CCHCR1: variants seen among roughly 807,000 people sequenced by gnomAD.
CCHCR1 encodes the protein HCR (a-helix coiled-coil rod homologue).
Under a neutral mutation model 114.6 loss-of-function variants are expected in CCHCR1, and 91 were observed. The ratio of observed to expected loss-of-function variants is 0.79; its 90% CI spans 0.67 to 0.94. The LOEUF (loss-of-function observed/expected upper bound fraction) is 0.94. Ranked by LOEUF, CCHCR1 falls within the 40% of genes least tolerant of loss-of-function variation. The pLI is 0.00. For synonymous variants in CCHCR1, 379 were observed against 428.5 expected (o/e 0.88, Z 1.43); for missense variants, 899 against 1,079.9 (o/e 0.83, Z 2.35).
chr6:31,142,866 G>A, intron 17 of CCHCR1, 97 bp downstream of exon 17: 1 of 1,494,258 alleles, frequency 6.7e-7, no homozygotes, highest in Non-Finnish European at 9.1e-7. Context: ...GGGCCTCGAA[G>A]GACCGCAGAG....
chr6:31,155,828 C>A (rs541765277), intron 3 of CCHCR1, among the ~76,000 whole-genome samples: 22 of 152,258 alleles, frequency 1.4e-4, no homozygotes, highest in Admixed American at 2.6e-4. Context: ...GTCACCCAGG[C>A]CTCAATGCAG....
At position 31,155,074 on chromosome 6, in the gene CCHCR1, A is replaced by T. The variant is rs193012233; in HGVS notation, c.498-275T>A. On this transcript the variant is annotated intron_variant, in intron 3 of 17. Coordinates refer to ENST00000396268, the MANE Select transcript of CCHCR1 (RefSeq NM_001105564.2). ...GATCTCCCTAGAGAGAGCTACATAC[A>T]GGAGGATTCAACATCAAATGTGTAT... Among the ~76,000 whole-genome samples, 3 of 152,306 alleles carry T rather than the reference A, an allele frequency of 2.0e-5. No individual in the cohort carries two copies. In the East Asian group the frequency reaches 5.8e-4, roughly 29 times the overall value.
intron 3 of CCHCR1, among the ~76,000 whole-genome samples, chr6:31,155,187 A>G (rs184859334): frequency 6.6e-6 from 1 of 152,312 alleles, no homozygotes; most frequent in Admixed American, 6.5e-5. Context: ...TTTAAGTGGA[A>G]AGGTTGGAAG....
chr6:31,150,939 G>A lies in CCHCR1; in HGVS notation c.965+20C>T, dbSNP rs1255579288. 5.0e-6 allele frequency: 8 copies of A among 1,611,770 alleles called. No individual in the cohort carries two copies. The highest frequency in any genetic ancestry group is 2.2e-5 in the East Asian group (1 of 44,878). On this transcript the variant is annotated intron_variant, in intron 5 of 17. Coordinates refer to ENST00000396268, the MANE Select transcript of CCHCR1 (RefSeq NM_001105564.2). This position sits in a 1 kb window ranked among gnomAD's most constrained non-coding sequence, Gnocchi z 5.3. ...CCACATCACTAATTGCTGGGCTCCCGTCGGCGTCCGCCCACCTACCTCAGC... is the reference window on the plus strand; with the variant it reads ...CCACATCACTAATTGCTGGGCTCCCATCGGCGTCCGCCCACCTACCTCAGC...
chr6:31,152,281 CAAAA>C (rs9281230), intron 4 of CCHCR1, among the ~76,000 whole-genome samples: 1 of 124,092 alleles, frequency 8.1e-6, no homozygotes, highest in Non-Finnish European at 1.7e-5. Context: ...GACTCCATCT[CAAAA>C]AAAAAAAAAA....
At chr6:31,147,118 C>T (rs1461880722) in intron 10 of CCHCR1, among the ~76,000 whole-genome samples, 4 of 152,104 alleles carry the variant, frequency 2.6e-5, no homozygotes, top group East Asian at 3.9e-4. Context: ...AACTACCTGC[C>T]GGCCAGGCAC....
Position 31,150,660 on chromosome 6 carries a change from A to C in CCHCR1, c.1101+65T>G. The C allele has an allele frequency of 6.3e-7, 1 of 1,597,366 alleles. No individual in the cohort carries two copies. The highest frequency in any genetic ancestry group is 8.5e-7 in the Non-Finnish European group (1 of 1,170,416). Reference sequence around the variant, plus strand: ...AGGCTGTGCTCTACACGCTCCTCCAAGGGCCACGCTTGCCTCCCAACCTGA... The same window carrying C: ...AGGCTGTGCTCTACACGCTCCTCCACGGGCCACGCTTGCCTCCCAACCTGA... On this transcript the variant is annotated intron_variant, in intron 6 of 17. Transcript: ENST00000396268. The surrounding 1 kb of genome is among the most constrained non-coding windows in gnomAD (Gnocchi z 5.3).
chr6:31,143,431 C>A lies in CCHCR1; in HGVS notation c.2168-18G>T. 1 of 1,611,588 alleles carries A rather than the reference C, an allele frequency of 6.2e-7. No homozygotes were observed. Among genetic ancestry groups the A allele is most frequent in the Non-Finnish European group, 8.5e-7 (1 of 1,179,420 alleles). Reference sequence around the variant, plus strand: ...GGAGACCACTACAGAGAGGCCAAGGCACAGAGGAGGCAGGTGTGAGTCAGG... The same window carrying A: ...GGAGACCACTACAGAGAGGCCAAGGAACAGAGGAGGCAGGTGTGAGTCAGG... On this transcript the variant is annotated intron_variant, in intron 15 of 17. Transcript: ENST00000396268. This position sits in a 1 kb window ranked among gnomAD's most constrained non-coding sequence, Gnocchi z 5.3.
intron 17 of CCHCR1, 63 bp downstream of exon 17, chr6:31,142,897 AGTC>A: frequency 3.9e-6 from 6 of 1,544,666 alleles, no homozygotes; most frequent in Non-Finnish European, 5.3e-6. Flanking sequence ...ATCATGCGAG[AGTC>A]TGAAGAGGAG....
Position 31,145,035 on chromosome 6 carries a change from G to A in CCHCR1, c.1915C>T (p.Gln639Ter), listed in dbSNP as rs746819053. 6.2e-7 allele frequency: 1 copy of A among 1,604,098 alleles called. No homozygotes were observed. Among genetic ancestry groups the A allele is most frequent in the Non-Finnish European group, 8.5e-7 (1 of 1,179,136 alleles). ...GTCTGCTGCAGCTCCTGCTCCAGCT[G>A]CTGGGCCACCTTGCTCAGCTGCTGC... The part of the protein sequence containing the change: ...ERQQLSKVAQ[Q>*]LEQELQQTQE... Residue 639 changes from glutamine (Q) to a stop codon, truncating the protein, a stop_gained, in exon 14 of 18, where the codon CAG becomes TAG. Coordinates refer to ENST00000396268, the MANE Select transcript of CCHCR1 (RefSeq NM_001105564.2). LOFTEE classifies it high-confidence loss of function.
In CCHCR1 at chr6:31,156,823, G is replaced by C. The variant is rs767259960; in HGVS notation, c.405C>G (p.Val135=). The change falls in exon 3 of 18, where the codon GTC becomes GTG. Residue 135 remains valine (V), a synonymous_variant. Coordinates refer to ENST00000396268, the MANE Select transcript of CCHCR1 (RefSeq NM_001105564.2). ...TCTGGGTGTCTAGCCGCCTCTCTGAGACATCTTGATGGCCTGGGGGTTGGA... is the reference window on the plus strand; with the variant it reads ...TCTGGGTGTCTAGCCGCCTCTCTGACACATCTTGATGGCCTGGGGGTTGGA... The part of the protein sequence containing the change: ...PLVQPPGHQD[V]SERRLDTQRP... The C allele has an allele frequency of 6.2e-7, 1 of 1,612,958 alleles. No individual in the cohort carries two copies. The highest frequency in any genetic ancestry group is 1.7e-5 in the Admixed American group (1 of 59,982).
chr6:31,148,650 C>A lies in CCHCR1; in HGVS notation c.1441G>T (p.Ala481Ser). The A allele has an allele frequency of 3.1e-6, 5 of 1,612,852 alleles. No individual in the cohort carries two copies. Among genetic ancestry groups the A allele is most frequent in the Non-Finnish European group, 4.2e-6 (5 of 1,179,844 alleles). Residue 481 changes from alanine (A) to serine (S), a missense_variant, in exon 9 of 18, where the codon GCA (alanine) becomes TCA (serine). Coordinates refer to ENST00000396268, the MANE Select transcript of CCHCR1 (RefSeq NM_001105564.2). The part of the protein sequence containing the change: ...ILQRSLQDKA[A>S]EVEVERMGAK... Reference sequence around the variant, plus strand: ...CCCATACGCTCCACCTCCACCTCTGCGGCTTTGTCCTGCAGGGATCGCTGC... The same window carrying A: ...CCCATACGCTCCACCTCCACCTCTGAGGCTTTGTCCTGCAGGGATCGCTGC...
chr6:31,150,782 A>G lies in CCHCR1; in HGVS notation c.1044T>C (p.Ser348=). Residue 348 remains serine (S), a synonymous_variant, in exon 6 of 18, where the codon TCT becomes TCC. Coordinates refer to ENST00000396268, the MANE Select transcript of CCHCR1 (RefSeq NM_001105564.2). This position sits in a 1 kb window ranked among gnomAD's most constrained non-coding sequence, Gnocchi z 5.3. The part of the protein sequence containing the change: ...LRKYVGEQVP[S]EVHSQTWELE... Reference sequence around the variant, plus strand: ...GTTCCCATGTCTGGCTGTGGACCTCAGAAGGCACTTGTTCCCCAACATATT... The same window carrying G: ...GTTCCCATGTCTGGCTGTGGACCTCGGAAGGCACTTGTTCCCCAACATATT... 1 of 1,613,070 alleles carries G rather than the reference A, an allele frequency of 6.2e-7. No homozygotes were observed. Among genetic ancestry groups the G allele is most frequent in the Non-Finnish European group, 8.5e-7 (1 of 1,180,024 alleles).
chr6:31,150,381 C>G lies in CCHCR1; in HGVS notation c.1212+74G>C. On this transcript the variant is annotated intron_variant, in intron 7 of 17. Coordinates refer to ENST00000396268, the MANE Select transcript of CCHCR1 (RefSeq NM_001105564.2). This position sits in a 1 kb window ranked among gnomAD's most constrained non-coding sequence, Gnocchi z 5.3. The stretch of plus-strand genomic sequence containing the variant: ...TCTGGGGCACATTGACCCCTCCTGC[C>G]CACAGGGAGGGAGGCAGGGGACAGT... The G allele has an allele frequency of 1.4e-6, 2 of 1,413,468 alleles. No individual in the cohort carries two copies. Among genetic ancestry groups the G allele is most frequent in the Non-Finnish European group, 2.0e-6 (2 of 1,010,392 alleles). The allele number at this position is 1,413,468 out of a possible 1,614,324, so 87.6% of individuals were successfully genotyped here.
intron 10 of CCHCR1, among the ~76,000 whole-genome samples, chr6:31,147,391 C>G (rs1774487378): frequency 8.2e-6 from 1 of 122,222 alleles, no homozygotes; most frequent in Non-Finnish European, 1.6e-5. Flanking sequence ...CAGTGCGAGA[C>G]TCTGTCTCAA....
Position 31,143,348 on chromosome 6 carries a change from G to A in CCHCR1, c.2233C>T (p.Arg745Cys), listed in dbSNP as rs73397100. Residue 745 changes from arginine (R) to cysteine (C), a missense_variant, in exon 16 of 18, where the codon CGT (arginine) becomes TGT (cysteine). Arg to Cys is a radical substitution (Grantham distance 180). Coordinates refer to ENST00000396268, the MANE Select transcript of CCHCR1 (RefSeq NM_001105564.2). The surrounding 1 kb of genome is among the most constrained non-coding windows in gnomAD (Gnocchi z 5.3). The stretch of plus-strand genomic sequence containing the variant: ...TCCTTCCGGGCCTCCTCCTGCAGAC[G>A]CCTGAGTTCCTGGCTCCGCTCCTTT... The part of the protein sequence containing the change: ...QEKERSQELR[R>C]LQEEARKEEG... The A allele has an allele frequency of 7.7e-3, 12,436 of 1,612,944 alleles. 411 individuals are homozygous for A. In the East Asian group the frequency reaches 0.093, roughly 12 times the overall value.
intron 10 of CCHCR1, among the ~76,000 whole-genome samples, chr6:31,147,016 C>T (rs1046836090): frequency 2.0e-5 from 3 of 152,142 alleles, no homozygotes; most frequent in Non-Finnish European, 2.9e-5. Context: ...ATCTTAATTT[C>T]GCTAAACCAA....
intron 4 of CCHCR1, among the ~76,000 whole-genome samples, chr6:31,152,502 C>A (rs1342319590): frequency 2.0e-5 from 3 of 151,928 alleles, no homozygotes; most frequent in Admixed American, 2.0e-4. Context: ...CCACGCCCAG[C>A]TAATTTTTGT....
chr6:31,143,303 G>C lies in CCHCR1; in HGVS notation c.2278C>G (p.Arg760Gly). ...TCCCTCTCTAGCTCCTGCAAGCGCC[G>C]GGCCAGTCGCTGCCCCTCCTCCTTC... ...ARKEEGQRLARRLQELERDKN... is the reference protein window; with the variant it reads ...ARKEEGQRLAGRLQELERDKN... Residue 760 changes from arginine (R) to glycine (G), a missense_variant, in exon 16 of 18, where the codon CGG becomes GGG. By Grantham distance (125) the Arg-to-Gly change is moderately radical. Transcript: ENST00000396268. The surrounding 1 kb of genome is among the most constrained non-coding windows in gnomAD (Gnocchi z 5.3). 1 of 1,612,766 alleles carries C rather than the reference G, an allele frequency of 6.2e-7. No individual in the cohort carries two copies. The highest frequency in any genetic ancestry group is 8.5e-7 in the Non-Finnish European group (1 of 1,180,004).
Sources: allele counts gnomAD v4.1 joint callset (sites outside exome capture counted in the v4.1 genomes callset), GRCh38; gene constraint gnomAD v4.1.1; non-coding constraint Gnocchi (gnomAD v3.1); transcripts MANE v1.5; gene names NCBI Gene and HGNC (gene_info 2026-07-23, HGNC 2026-07-21).